Variants in CALN1 observed in about 807,000 individuals in gnomAD.
CALN1 encodes calneuron 1.
In CALN1, 17 loss-of-function variants were observed where a neutral mutation model predicts 30.6. The ratio of observed to expected loss-of-function variants is 0.56; its 90% CI spans 0.38 to 0.83. The LOEUF is 0.83. CALN1 is among the 40% of genes least tolerant of loss of function. CALN1 has a pLI of 0.00. For missense variants in CALN1, 291 were observed against 354.9 expected (o/e 0.82, Z 1.45); for synonymous variants, 156 against 131.4 (o/e 1.19, Z -1.28).
intron 5 of CALN1, among the ~76,000 whole-genome samples, chr7:71,951,391 G>A (rs1796683293): frequency 6.6e-6 from 1 of 152,194 alleles, no homozygotes; most frequent in Non-Finnish European, 1.5e-5. Context: ...AGGAGTTCAA[G>A]ACTAGCCTGG....
At chr7:72,227,864 G>C (rs1364455138) in intron 3 of CALN1, among the ~76,000 whole-genome samples, 1 of 149,690 alleles carries the variant, frequency 6.7e-6, no homozygotes, top group African/African-American at 2.4e-5. Flanking sequence ...AAACCCAGGA[G>C]AGCGTTCCCC....
At chr7:72,008,609 C>A (rs1799903674) in intron 5 of CALN1, among the ~76,000 whole-genome samples, 1 of 151,078 alleles carries the variant, frequency 6.6e-6, no homozygotes, top group South Asian at 2.1e-4. Flanking sequence ...AATAGACAAT[C>A]ATCTGGCATA....
intron 3 of CALN1, among the ~76,000 whole-genome samples, chr7:72,109,233 G>C (rs1446156167): frequency 2.0e-5 from 3 of 152,178 alleles, no homozygotes; most frequent in Non-Finnish European, 2.9e-5. Flanking sequence ...CCCCAGCAGA[G>C]AGAAGACCAC....
At chr7:72,326,845 CAT>C (rs1280946677) in intron 2 of CALN1, among the ~76,000 whole-genome samples, 2 of 152,260 alleles carry the variant, frequency 1.3e-5, no homozygotes, top group South Asian at 4.1e-4. Flanking sequence ...TGACAGTGCA[CAT>C]GTCACTCAGT....
At chr7:71,828,920 TG>T (rs1789096565) in intron 5 of CALN1, among the ~76,000 whole-genome samples, 1 of 151,944 alleles carries the variant, frequency 6.6e-6, no homozygotes, top group African/African-American at 2.4e-5. Flanking sequence ...AGCTAATTTT[TG>T]TATTTTTAGT....
At position 72,057,499 on chromosome 7, in the gene CALN1, T is replaced by C. The variant is rs187064022; in HGVS notation, c.389-33730A>G. 6.5e-3 allele frequency among the ~76,000 whole-genome samples: 992 copies of C among 151,884 alleles called. 3 individuals carry two copies. The highest frequency in any genetic ancestry group is 0.011 in the Non-Finnish European group (732 of 67,942). On this transcript the variant is annotated intron_variant, in intron 4 of 6. Transcript: ENST00000395275. ...TCATGCTGTTTATCATAACATTATT[T>C]GTAACAGTGAGAAATGGAAAAGAAT...
the CALN1 span, among the ~76,000 whole-genome samples, chr7:72,462,178 G>GTATGTATGTATGTATT: frequency 6.7e-6 from 1 of 150,302 alleles, no homozygotes; most frequent in African/African-American, 2.5e-5. Flanking sequence ...ATGTATGTAT[G>GTATGTATGTATGTATT]TATTTATTTA....
chr7:72,315,307 C>T (rs1052350420), intron 2 of CALN1, among the ~76,000 whole-genome samples: 5 of 151,724 alleles, frequency 3.3e-5, no homozygotes, highest in African/African-American at 9.7e-5. Context: ...AAACCGTGAC[C>T]AATGAACAGA....
At chr7:72,465,730 A>T in the CALN1 span, among the ~76,000 whole-genome samples, 1 of 152,352 alleles carries the variant, frequency 6.6e-6, no homozygotes, top group African/African-American at 2.4e-5. Context: ...CGGGTAGGAG[A>T]TTAACACTTG....
chr7:72,160,174 A>C (rs1453910211), intron 3 of CALN1, among the ~76,000 whole-genome samples: 1 of 152,202 alleles, frequency 6.6e-6, no homozygotes, highest in African/African-American at 2.4e-5. Context: ...GAGAGATTAG[A>C]TTGCCATAAA....
intron 3 of CALN1, among the ~76,000 whole-genome samples, chr7:72,182,823 T>C (rs1789915038): frequency 6.6e-6 from 1 of 151,602 alleles, no homozygotes; most frequent in South Asian, 2.1e-4. Flanking sequence ...AACACTAGCT[T>C]CTGTAAAGGC....
At chr7:71,893,861 A>C (rs1445531356) in intron 5 of CALN1, among the ~76,000 whole-genome samples, 1 of 152,018 alleles carries the variant, frequency 6.6e-6, no homozygotes, top group Admixed American at 6.5e-5. Context: ...AGCTGACATG[A>C]AGGCTAAGGA....
chr7:72,455,788 CATCA>C, the CALN1 span, among the ~76,000 whole-genome samples: 1 of 152,052 alleles, frequency 6.6e-6, no homozygotes, highest in Admixed American at 6.6e-5. Context: ...AATAAGCCAA[CATCA>C]ATCAAGGGGA....
intron 5 of CALN1, among the ~76,000 whole-genome samples, chr7:71,987,810 T>C (rs1384458157): frequency 1.3e-5 from 2 of 152,198 alleles, no homozygotes; most frequent in Non-Finnish European, 2.9e-5. Flanking sequence ...TTATTGTCTC[T>C]AAGGACAGGC....
chr7:72,191,865 G>A (rs568429960), intron 3 of CALN1, among the ~76,000 whole-genome samples: 13 of 152,274 alleles, frequency 8.5e-5, no homozygotes, highest in African/African-American at 2.9e-4. Flanking sequence ...CAGCAGAGCC[G>A]CACGCTCCCC....
intron 2 of CALN1, among the ~76,000 whole-genome samples, chr7:72,299,638 T>C (rs1325031561): frequency 4.0e-5 from 6 of 151,296 alleles, no homozygotes; most frequent in African/African-American, 1.5e-4. Context: ...AAAACAACAG[T>C]TGATCTCACA....
At chr7:71,798,250 C>CT (rs1787082608) in intron 6 of CALN1, among the ~76,000 whole-genome samples, 1 of 151,352 alleles carries the variant, frequency 6.6e-6, no homozygotes, top group African/African-American at 2.4e-5. Context: ...TGAGCCAGTG[C>CT]TTTTTTGGTT....
At chr7:72,227,884 T>TGTAGACACCATCCC (rs1436904681) in intron 3 of CALN1, among the ~76,000 whole-genome samples, 1 of 150,242 alleles carries the variant, frequency 6.7e-6, no homozygotes, top group Non-Finnish European at 1.5e-5. Flanking sequence ...CAAGCTACAC[T>TGTAGACACCATCCC]GTAGACACCA....
At chr7:72,249,162 C>G (rs777343629) in intron 3 of CALN1, among the ~76,000 whole-genome samples, 1 of 152,154 alleles carries the variant, frequency 6.6e-6, no homozygotes, top group Non-Finnish European at 1.5e-5. Context: ...TCATTCTGCC[C>G]TGAGTGAGGA....
Sources: gnomAD v4.1 joint callset for allele counts (sites outside exome capture counted in the v4.1 genomes callset) on GRCh38, gnomAD v4.1.1 for gene constraint, MANE v1.5 for transcripts, NCBI Gene and HGNC (gene_info 2026-07-23, HGNC 2026-07-21) for gene names.